Variants in SH3D19 observed in about 807,000 individuals in gnomAD.
SH3D19 encodes the protein SH3 domain containing 19, also known as SH3 domain-containing protein 19.
SH3D19 carries 58 observed loss-of-function variants against 112.1 expected under a neutral mutation model. The observed-to-expected ratio is 0.52, with a 90% CI of 0.42 to 0.64. SH3D19 has a LOEUF of 0.64. Ranked by LOEUF, SH3D19 falls within the 30% of genes least tolerant of loss-of-function variation. The pLI is 0.00. For synonymous variants in SH3D19, 391 were observed against 448.5 expected (o/e 0.87, Z 1.62); for missense variants, 1,090 against 1,263.4 (o/e 0.86, Z 2.08).
chr4:151,271,882 T>C (rs1424397555), intron 1 of SH3D19, among the ~76,000 whole-genome samples: 1 of 152,226 alleles, frequency 6.6e-6, no homozygotes, highest in Admixed American at 6.5e-5. Flanking sequence ...CAGCAATTAT[T>C]ATTATATTTA....
chr4:151,144,311 G>A, intron 11 of SH3D19: 1 of 1,605,644 alleles, frequency 6.2e-7, no homozygotes, highest in Non-Finnish European at 8.5e-7. Context: ...CCAATAAAAG[G>A]CTTATTCACA....
At chr4:151,265,992 A>T (rs941495690) in intron 1 of SH3D19, 1 of 152,222 alleles carries the variant, frequency 6.6e-6, no homozygotes, top group South Asian at 2.1e-4. Context: ...CACAAGAATC[A>T]TCTAAAACTG....
chr4:151,226,466 G>C (rs774019414), intron 1 of SH3D19: 32 of 991,104 alleles, frequency 3.2e-5, no homozygotes, highest in Non-Finnish European at 3.8e-5. Flanking sequence ...CATGAATCAT[G>C]GTTGGCAGAA....
chr4:151,257,197 C>T (rs893061610), intron 1 of SH3D19, among the ~76,000 whole-genome samples: 17 of 152,120 alleles, frequency 1.1e-4, no homozygotes, highest in Admixed American at 3.3e-4. Flanking sequence ...AAGCAGTTCT[C>T]CTGCCTCAGC....
intron 3 of SH3D19, among the ~76,000 whole-genome samples, chr4:151,185,519 G>A (rs1295618290): frequency 6.6e-6 from 1 of 152,028 alleles, no homozygotes. Flanking sequence ...CTCTCTGCCC[G>A]TCATCGCCTG....
chr4:151,251,528 CAAG>C (rs1370602532), intron 1 of SH3D19, among the ~76,000 whole-genome samples: 1 of 152,174 alleles, frequency 6.6e-6, no homozygotes, highest in African/African-American at 2.4e-5. Flanking sequence ...CTCCTTACAG[CAAG>C]AAGGCCAATT....
chr4:151,236,254 G>A (rs908284245), intron 1 of SH3D19, among the ~76,000 whole-genome samples: 4 of 152,396 alleles, frequency 2.6e-5, no homozygotes, highest in East Asian at 1.9e-4. Flanking sequence ...AGCGGGAGCC[G>A]GGGCTGCGCC....
At chr4:151,223,672 T>G (rs1428551256) in intron 2 of SH3D19, among the ~76,000 whole-genome samples, 2 of 152,194 alleles carry the variant, frequency 1.3e-5, no homozygotes, top group Non-Finnish European at 1.5e-5. Flanking sequence ...CCCCAAACTT[T>G]CACATCTGGG....
In SH3D19 at chr4:151,139,710, C is replaced by G. The variant is rs1752634997; in HGVS notation, c.2296+65G>C. 4 of 1,458,902 alleles carry G rather than the reference C, an allele frequency of 2.7e-6. No homozygotes were observed. The African/African-American group carries it at 4.2e-5, about 15-fold the overall frequency. The allele number at this position is 1,458,902 out of a possible 1,614,324, so 90.4% of individuals were successfully genotyped here. On this transcript the variant is annotated intron_variant, in intron 13 of 19. Coordinates refer to ENST00000604030, the MANE Select transcript of SH3D19 (RefSeq NM_001378122.1). ...AAGGATGTCCTTGAGAGGCTAACCC[C>G]CGGCAGGGAAAAAGACTTACTCCTG...
chr4:151,132,899 T>A (rs1349109230), intron 16 of SH3D19, 135 bp downstream of exon 16: 1 of 795,970 alleles, frequency 1.3e-6, no homozygotes, highest in Non-Finnish European at 2.0e-6. Context: ...CCACACAAAT[T>A]CCCATTTTAA....
rs548442421 is a variant in SH3D19 at position 151,269,750 on chromosome 4, A to G, written c.113-43664T>C. 2.8e-3 allele frequency among the ~76,000 whole-genome samples: 428 copies of G among 152,262 alleles called. 3 individuals are homozygous for G. The highest frequency in any genetic ancestry group is 4.2e-3 in the Non-Finnish European group (283 of 68,024). Reference sequence around the variant, plus strand: ...ACACAAACACATTGTATAGTTGTACAAAAATATTTTCTTTCCTTGTATCCT... The same window carrying G: ...ACACAAACACATTGTATAGTTGTACGAAAATATTTTCTTTCCTTGTATCCT... On this transcript the variant is annotated intron_variant, in intron 1 of 19. Coordinates refer to ENST00000604030, the MANE Select transcript of SH3D19 (RefSeq NM_001378122.1).
chr4:151,322,025 T>C (rs1730580460), intron 1 of SH3D19, among the ~76,000 whole-genome samples: 1 of 152,164 alleles, frequency 6.6e-6, no homozygotes, highest in Non-Finnish European at 1.5e-5. Context: ...ACAGTAAATA[T>C]TTCACATAGT....
chr4:151,264,775 G>C (rs1219101124), intron 1 of SH3D19, among the ~76,000 whole-genome samples: 1 of 152,140 alleles, frequency 6.6e-6, no homozygotes, highest in African/African-American at 2.4e-5. Context: ...AAAATATGCT[G>C]CCTTATTTTC....
chr4:151,150,250 T>TATATATATACATATATATAC (rs1561235300), intron 9 of SH3D19, among the ~76,000 whole-genome samples: 3 of 107,168 alleles, frequency 2.8e-5, no homozygotes, highest in African/African-American at 3.7e-5. Context: ...TATATATATA[T>TATATATATACATATATATAC]ACACACATAT....
At chr4:151,163,888 C>T (rs1427973171) in intron 8 of SH3D19, among the ~76,000 whole-genome samples, 1 of 152,106 alleles carries the variant, frequency 6.6e-6, no homozygotes, top group Non-Finnish European at 1.5e-5. Flanking sequence ...TGGCCTACCA[C>T]TGGTTTTTAA....
intron 1 of SH3D19, among the ~76,000 whole-genome samples, chr4:151,296,039 A>AG (rs1466904609): frequency 6.6e-6 from 1 of 151,656 alleles, no homozygotes; most frequent in Non-Finnish European, 1.5e-5. Context: ...CGTCTCAAAA[A>AG]AAAAAAAAGA....
intron 1 of SH3D19, chr4:151,226,288 C>A: frequency 8.2e-7 from 1 of 1,217,960 alleles, no homozygotes; most frequent in African/African-American, 1.6e-5. Context: ...TAAAAGCTTA[C>A]GGTTTGTTAA....
At chr4:151,228,270 T>C (rs905936520) in intron 1 of SH3D19, among the ~76,000 whole-genome samples, 8 of 152,172 alleles carry the variant, frequency 5.3e-5, no homozygotes, top group Admixed American at 5.2e-4. Flanking sequence ...TTATAAAATG[T>C]TACTCCTAAG....
intron 1 of SH3D19, among the ~76,000 whole-genome samples, chr4:151,263,556 G>A (rs888898735): frequency 2.0e-5 from 3 of 152,186 alleles, no homozygotes; most frequent in African/African-American, 7.2e-5. Flanking sequence ...ACAGTTATCT[G>A]GAAGACTTAG....
Sources: gnomAD v4.1 joint callset for allele counts (sites outside exome capture counted in the v4.1 genomes callset) on GRCh38, gnomAD v4.1.1 for gene constraint, MANE v1.5 for transcripts, NCBI Gene and HGNC (gene_info 2026-07-23, HGNC 2026-07-21) for gene names.